Variants in ARHGAP18 observed in about 807,000 individuals in gnomAD.
The protein encoded by ARHGAP18 is rho GTPase-activating protein 18.
ARHGAP18 carries 67 observed loss-of-function variants against 86.2 expected under a neutral mutation model. The ratio of observed to expected loss-of-function variants is 0.78; its 90% CI spans 0.64 to 0.95. The LOEUF (loss-of-function observed/expected upper bound fraction) is 0.95, where lower values mean the gene tolerates loss of function less well. Among genes scored for constraint, ARHGAP18 ranks in the 40% least tolerant of loss-of-function variants. The pLI, the probability that ARHGAP18 is intolerant of heterozygous loss-of-function variation, is 0.00. For missense variants in ARHGAP18, 691 were observed against 780.4 expected, an observed-to-expected ratio of 0.89 and a Z score of 1.37; for synonymous variants, 283 against 280.4, an observed-to-expected ratio of 1.01 and a Z score of -0.09.
chr6:129,673,993 A>T (rs1176319147), intron 1 of ARHGAP18, among the ~76,000 whole-genome samples: 1 of 152,148 alleles, frequency 6.6e-6, no homozygotes, highest in African/African-American at 2.4e-5. Context: ...CTCCTCTTTG[A>T]AAAAGATAGA....
chr6:129,578,650 G>A, intron 14 of ARHGAP18, 46 bp from the exon 15 acceptor site: 1 of 1,460,864 alleles, frequency 6.8e-7, no homozygotes, highest in Non-Finnish European at 9.5e-7. Flanking sequence ...AGGTAGATTG[G>A]TATGCAATTT....
chr6:129,610,123 A>C (rs1788946385), intron 8 of ARHGAP18, among the ~76,000 whole-genome samples: 1 of 152,218 alleles, frequency 6.6e-6, no homozygotes, highest in African/African-American at 2.4e-5. Flanking sequence ...GGATGTGGGC[A>C]GTGGTTACTT....
At chr6:129,583,856 T>A (rs1479845261) in intron 13 of ARHGAP18, 132 bp downstream of exon 13, 16 of 1,158,376 alleles carry the variant, frequency 1.4e-5, no homozygotes, top group Non-Finnish European at 1.8e-5. Flanking sequence ...GAAGACAATA[T>A]TTTTAAGCAT....
At chr6:129,639,083 G>A (rs536251532) in intron 2 of ARHGAP18, among the ~76,000 whole-genome samples, 2 of 152,294 alleles carry the variant, frequency 1.3e-5, no homozygotes, top group Admixed American at 6.5e-5. Flanking sequence ...GTAGCTGACA[G>A]GAAGTGCAGC....
rs570444619 is a variant in ARHGAP18 at position 129,608,029 on chromosome 6, T to C, written c.1146A>G (p.Ala382=). The change falls in exon 9 of 15, where the codon GCA becomes GCG. Residue 382 remains alanine, a synonymous_variant. Transcript: ENST00000368149. ...AATTAAAAGTCCCTTCATAAAACTT[T>C]GCTTCTAGTTCTTGGCAAAGATTCT... ...RIKNLCQELE[A]KFYEGTFNWE... The C allele has an allele frequency of 6.2e-6, 10 of 1,602,136 alleles. No individual in the cohort carries two copies. Among genetic ancestry groups the C allele is most frequent in the Non-Finnish European group, 7.7e-6 (9 of 1,175,584 alleles).
Position 129,626,276 on chromosome 6 carries a change from A to C in ARHGAP18, c.786+3077T>G, listed in dbSNP as rs1383608441. ...TTCCACAATACACCACTAAGTCAAC[A>C]AAACAAAAATCAAGGTGGAAGAAAC... is the stretch of plus-strand genomic sequence containing the variant. On this transcript the variant is annotated intron_variant, in intron 5 of 14. Coordinates refer to ENST00000368149, the MANE Select transcript of ARHGAP18 (RefSeq NM_033515.3). Among the ~76,000 whole-genome samples, 4 of 151,724 alleles carry C rather than the reference A, an allele frequency of 2.6e-5. No homozygotes were observed. The East Asian group carries it at 7.7e-4, about 29-fold the overall frequency.
intron 13 of ARHGAP18, among the ~76,000 whole-genome samples, chr6:129,581,633 A>C (rs950306713): frequency 9.8e-5 from 15 of 152,328 alleles, no homozygotes; most frequent in Admixed American, 2.0e-4. Context: ...GCGTAATGCT[A>C]ATCAACAAAT....
At position 129,618,773 on chromosome 6, in the gene ARHGAP18, T is replaced by C. The variant is rs776579064; in HGVS notation, c.866A>G (p.His289Arg). ...GGCAGTCAGCTCAATTAGGGCTAAA[T>C]GGCAAACTTTCTTCATGTCCTGGGG... Reference protein sequence around the residue: ...LAPQDMKKVCHLALIELTALY... With the variant: ...LAPQDMKKVCRLALIELTALY... The change falls in exon 6 of 15, where the codon CAT becomes CGT. Residue 289 changes from histidine (H) to arginine (R), a missense_variant. Transcript: ENST00000368149. The C allele has an allele frequency of 6.8e-6, 11 of 1,613,680 alleles. No homozygotes were observed. In the Middle Eastern group the frequency reaches 6.6e-4, roughly 96 times the overall value.
intron 12 of ARHGAP18, among the ~76,000 whole-genome samples, chr6:129,586,365 T>C (rs938210912): frequency 4.6e-5 from 7 of 152,176 alleles, no homozygotes; most frequent in Non-Finnish European, 8.8e-5. Flanking sequence ...TTGGATTCTG[T>C]TAGTTTATCA....
chr6:129,640,064 A>AC (rs1562705835), intron 2 of ARHGAP18, among the ~76,000 whole-genome samples: 1 of 138,208 alleles, frequency 7.2e-6, no homozygotes, highest in African/African-American at 2.8e-5. Flanking sequence ...AAAAAAAAAA[A>AC]CAAACAAAAG....
At chr6:129,661,862 T>G (rs1399068499) in intron 1 of ARHGAP18, 1 of 985,258 alleles carries the variant, frequency 1.0e-6, no homozygotes, top group African/African-American at 1.7e-5. Flanking sequence ...ACAATTTTCC[T>G]GGAGTTTTGT....
At chr6:129,629,252 T>C (rs1773131465) in intron 5 of ARHGAP18, 101 bp downstream of exon 5, 1 of 948,086 alleles carries the variant, frequency 1.1e-6, no homozygotes, top group Non-Finnish European at 1.5e-6. Flanking sequence ...TCTCTCTATA[T>C]ATATATATAT....
chr6:129,611,647 T>C (rs2114461821), intron 7 of ARHGAP18, 37 bp from the exon 8 acceptor site: 1 of 1,561,992 alleles, frequency 6.4e-7, no homozygotes, highest in South Asian at 1.1e-5. Flanking sequence ...ATTTCCGTAT[T>C]TGTAACAGGT....
chr6:129,701,488 A>C (rs1440557465), intron 1 of ARHGAP18, among the ~76,000 whole-genome samples: 1 of 152,176 alleles, frequency 6.6e-6, no homozygotes, highest in Non-Finnish European at 1.5e-5. Context: ...ATGTGAAATT[A>C]AGGCCGGGCG....
intron 1 of ARHGAP18, among the ~76,000 whole-genome samples, chr6:129,667,550 G>A (rs1376128310): frequency 2.7e-5 from 4 of 150,490 alleles, no homozygotes; most frequent in Non-Finnish European, 5.9e-5. Flanking sequence ...AGATTCACGG[G>A]TACCTAAAGA....
At chr6:129,629,245 C>G (rs1014295941) in intron 5 of ARHGAP18, 108 bp downstream of exon 5, 1 of 881,924 alleles carries the variant, frequency 1.1e-6, no homozygotes, top group African/African-American at 1.8e-5. Flanking sequence ...CTCTCTCTCT[C>G]TCTATATATA....
chr6:129,639,623 G>A (rs1412212731), intron 2 of ARHGAP18, among the ~76,000 whole-genome samples: 1 of 152,188 alleles, frequency 6.6e-6, no homozygotes, highest in Admixed American at 6.5e-5. Flanking sequence ...CTACCTGTCT[G>A]TCTTTCTATA....
intron 9 of ARHGAP18, among the ~76,000 whole-genome samples, chr6:129,607,126 C>T (rs1788870840): frequency 6.6e-6 from 1 of 152,128 alleles, no homozygotes; most frequent in Non-Finnish European, 1.5e-5. Context: ...TCCCAAAGTG[C>T]TGGGAGCTCA....
chr6:129,598,943 T>G (rs796517977), intron 12 of ARHGAP18: 27 of 173,928 alleles, frequency 1.6e-4, no homozygotes, highest in African/African-American at 5.5e-4. Context: ...GGTGTAGGGG[T>G]GTGTGTGTGT....
Sources: gnomAD v4.1 joint callset for allele counts (sites outside exome capture counted in the v4.1 genomes callset) on GRCh38, gnomAD v4.1.1 for gene constraint, MANE v1.5 for transcripts, NCBI Gene and HGNC (gene_info 2026-07-23, HGNC 2026-07-21) for gene names.